The following EPC1 variants were observed in gnomAD, a reference collection of about 807,000 sequenced individuals.
EPC1 encodes the protein enhancer of polycomb homolog 1.
Under a neutral mutation model 98.4 loss-of-function variants are expected in EPC1, and 12 were observed. That is an observed-to-expected ratio of 0.12 (90% CI 0.08 to 0.20). The LOEUF (loss-of-function observed/expected upper bound fraction) is 0.20. Among genes scored for constraint, EPC1 ranks in the 10% least tolerant of loss-of-function variants. The pLI, the probability that EPC1 is intolerant of heterozygous loss-of-function variation, is 1.00. For synonymous variants in EPC1, 357 were observed against 363.9 expected, an observed-to-expected ratio of 0.98 and a Z score of 0.21; for missense variants, 729 against 990.5, an observed-to-expected ratio of 0.74 and a Z score of 3.54.
intron 1 of EPC1, among the ~76,000 whole-genome samples, chr10:32,354,939 C>T (rs573032939): frequency 6.6e-5 from 10 of 152,254 alleles, no homozygotes; most frequent in South Asian, 2.1e-4. Context: ...ATAGGACTGT[C>T]TAGTTGCAGG....
At chr10:32,341,519 C>T (rs1008194940) in intron 1 of EPC1, among the ~76,000 whole-genome samples, 13 of 152,190 alleles carry the variant, frequency 8.5e-5, no homozygotes, top group Non-Finnish European at 1.8e-4. Context: ...TTAAGCTACA[C>T]TGTAGGCAGT....
At chr10:32,281,851 A>G (rs1261560628) in intron 10 of EPC1, 1 of 152,064 alleles carries the variant, frequency 6.6e-6, no homozygotes, top group Non-Finnish European at 1.5e-5. Context: ...TGTATTTTTT[A>G]GTAGAGACCA....
chr10:32,284,826 C>T lies in EPC1; in HGVS notation c.1616G>A (p.Ser539Asn), dbSNP rs1441065078. ...FRPRTPSLHD[S>N]DNDELSCRKL... ...TCTACAGGAGAGTTCATCATTGTCA[C>T]TGTCATGTAGGGATGGTGTCCGAGG... The change falls in exon 10 of 14, where the codon AGT (serine) becomes AAT (asparagine). Residue 539 changes from serine (S) to asparagine (N), a missense_variant. By Grantham distance (46) the Ser-to-Asn change is conservative. This residue lies in a region of EPC1 where 390 missense variants were observed against 438.6 expected (regional missense o/e 0.89). Transcript: ENST00000319778. 1.2e-6 allele frequency: 2 copies of T among 1,614,184 alleles called. No individual in the cohort carries two copies. Among genetic ancestry groups the T allele is most frequent in the Non-Finnish European group, 8.5e-7 (1 of 1,180,032 alleles).
At chr10:32,297,457 T>C (rs7069553) in intron 2 of EPC1, among the ~76,000 whole-genome samples, 15,877 of 151,976 alleles carry the variant, frequency 0.1, 931 homozygotes, top group Admixed American at 0.13. Flanking sequence ...GGCAAATTTT[T>C]GTATTTTTTA....
intron 9 of EPC1, 184 bp from the exon 10 acceptor site, chr10:32,285,234 T>C: frequency 2.1e-6 from 1 of 478,570 alleles, no homozygotes; most frequent in Non-Finnish European, 3.6e-6. Context: ...TAATAAAAGT[T>C]CTTTTAACAA....
At chr10:32,277,998 T>C (rs1035597345) in intron 10 of EPC1, among the ~76,000 whole-genome samples, 1 of 152,158 alleles carries the variant, frequency 6.6e-6, no homozygotes, top group Non-Finnish European at 1.5e-5. Flanking sequence ...TCAACTGAGA[T>C]GATCAAAGGA....
intron 1 of EPC1, among the ~76,000 whole-genome samples, chr10:32,342,466 T>C (rs1592620442): frequency 6.6e-6 from 1 of 152,224 alleles, no homozygotes; most frequent in Non-Finnish European, 1.5e-5. Flanking sequence ...CATCCACTTC[T>C]TATAAATAGT....
intron 1 of EPC1, among the ~76,000 whole-genome samples, chr10:32,335,745 T>C (rs1424585289): frequency 1.3e-5 from 2 of 152,276 alleles, no homozygotes; most frequent in East Asian, 1.9e-4. Context: ...AATGATGAAA[T>C]AGCATGACCT....
chr10:32,365,312 G>T (rs565302480), intron 1 of EPC1, among the ~76,000 whole-genome samples: 10 of 152,094 alleles, frequency 6.6e-5, no homozygotes, highest in Admixed American at 1.3e-4. Context: ...TAGCATAAAG[G>T]CTAAAGCAGA....
chr10:32,287,722 T>C (rs1158409410), intron 6 of EPC1, among the ~76,000 whole-genome samples: 1 of 152,132 alleles, frequency 6.6e-6, no homozygotes, highest in African/African-American at 2.4e-5. Context: ...GAAAGCAAAC[T>C]ACAGAAAACT....
chr10:32,331,689 T>C (rs3123645), intron 1 of EPC1, among the ~76,000 whole-genome samples: 122,433 of 152,176 alleles, frequency 0.8, 50,198 homozygotes, highest in East Asian at 0.96. Flanking sequence ...GATTGTTTTA[T>C]TTACCATGTG....
At chr10:32,315,329 T>C (rs770071954) in intron 1 of EPC1, among the ~76,000 whole-genome samples, 9 of 152,158 alleles carry the variant, frequency 5.9e-5, no homozygotes, top group Non-Finnish European at 1.3e-4. Context: ...ATAATAAACA[T>C]TACCAATCTA....
intron 1 of EPC1, among the ~76,000 whole-genome samples, chr10:32,356,343 C>T (rs1036995896): frequency 1.3e-5 from 2 of 152,022 alleles, no homozygotes; most frequent in Non-Finnish European, 2.9e-5. Flanking sequence ...AGTTCCCCTT[C>T]CCTTTCAGAG....
chr10:32,326,814 C>T (rs1837306271), intron 1 of EPC1, among the ~76,000 whole-genome samples: 1 of 151,856 alleles, frequency 6.6e-6, no homozygotes, highest in Non-Finnish European at 1.5e-5. Flanking sequence ...CATGACTAAC[C>T]ATCAGGAAAA....
intron 1 of EPC1, among the ~76,000 whole-genome samples, chr10:32,309,749 T>C (rs993498354): frequency 1.3e-5 from 2 of 148,420 alleles, no homozygotes; most frequent in Non-Finnish European, 3.0e-5. Context: ...CATTTTATTA[T>C]CTAGTATGGT....
chr10:32,312,693 A>T (rs887716154), intron 1 of EPC1, among the ~76,000 whole-genome samples: 1 of 152,222 alleles, frequency 6.6e-6, no homozygotes, highest in Non-Finnish European at 1.5e-5. Context: ...CGGAGTGCTT[A>T]AATGTTATGT....
chr10:32,347,077 G>A lies in EPC1; in HGVS notation c.-162C>T. On this transcript the variant is annotated 5_prime_UTR_variant, in exon 1 of 14. Transcript: ENST00000319778. The stretch of plus-strand genomic sequence containing the variant: ...GCACTAACACCAGCCGGGAGGGTGG[G>A]AGGCTGTGCCGCTCCGCTCCTCTCT... 2.1e-6 allele frequency: 3 copies of A among 1,449,038 alleles called. No individual in the cohort carries two copies. The highest frequency in any genetic ancestry group is 2.7e-6 in the Non-Finnish European group (3 of 1,107,572). 89.8% of individuals were successfully genotyped at this position (1,449,038 alleles called of 1,614,324 possible).
intron 1 of EPC1, among the ~76,000 whole-genome samples, chr10:32,354,514 A>G (rs1488959983): frequency 6.6e-6 from 1 of 152,174 alleles, no homozygotes; most frequent in Non-Finnish European, 1.5e-5. Flanking sequence ...TTGTAGTTGC[A>G]GCAGTATTGG....
intron 1 of EPC1, among the ~76,000 whole-genome samples, chr10:32,332,637 C>G (rs1457613728): frequency 6.6e-6 from 1 of 152,248 alleles, no homozygotes; most frequent in Non-Finnish European, 1.5e-5. Context: ...AGGGCTGCAG[C>G]TGACTGCAAT....
Sources: allele counts gnomAD v4.1 joint callset (sites outside exome capture counted in the v4.1 genomes callset), GRCh38; gene constraint gnomAD v4.1.1; regional missense constraint gnomAD v4.1.1; transcripts MANE v1.5; gene names NCBI Gene and HGNC (gene_info 2026-07-23, HGNC 2026-07-21).